Variants in ITPK1 observed in about 807,000 individuals in gnomAD.
The protein encoded by ITPK1 is inositol-tetrakisphosphate 1-kinase.
A neutral mutation model predicts 45.3 loss-of-function variants in ITPK1; 21 were observed. The observed-to-expected ratio is 0.46, with a 90% CI of 0.33 to 0.67. ITPK1 has a LOEUF of 0.67. Ranked by LOEUF, ITPK1 falls within the 30% of genes least tolerant of loss-of-function variation. ITPK1 has a pLI of 0.02. For missense variants in ITPK1, 474 were observed against 573.5 expected, an observed-to-expected ratio of 0.83 and a Z score of 1.77; for synonymous variants, 258 against 253.6, an observed-to-expected ratio of 1.02 and a Z score of -0.16.
intron 5 of ITPK1, among the ~76,000 whole-genome samples, chr14:92,983,921 G>A (rs1231859948): frequency 6.6e-5 from 10 of 152,128 alleles, no homozygotes; most frequent in African/African-American, 1.9e-4. Flanking sequence ...CCAGCAAAAG[G>A]GGCAGACCTG....
At chr14:92,951,066 G>T (rs1323303351) in intron 9 of ITPK1, among the ~76,000 whole-genome samples, 1 of 152,244 alleles carries the variant, frequency 6.6e-6, no homozygotes, top group East Asian at 1.9e-4. Flanking sequence ...CTGGAGTGGA[G>T]GCTGGTTCGT....
intron 4 of ITPK1, among the ~76,000 whole-genome samples, chr14:93,010,161 G>A (rs7141085): frequency 0.21 from 31,343 of 152,072 alleles, 3,939 homozygotes; most frequent in East Asian, 0.31. Context: ...GACCCCACTG[G>A]TCAGCAGGCA....
At chr14:93,080,791 C>T (rs1891405089) in intron 2 of ITPK1, among the ~76,000 whole-genome samples, 1 of 151,874 alleles carries the variant, frequency 6.6e-6, no homozygotes, top group Admixed American at 6.6e-5. Flanking sequence ...GGCTGGAGTA[C>T]AGTGGCATGA....
At chr14:92,999,387 A>T (rs1425954136) in intron 4 of ITPK1, among the ~76,000 whole-genome samples, 1 of 152,228 alleles carries the variant, frequency 6.6e-6, no homozygotes, top group African/African-American at 2.4e-5. Context: ...CCGTCCTAAC[A>T]GCTTGCTCCT....
At chr14:93,043,718 T>C (rs1243176649) in intron 3 of ITPK1, among the ~76,000 whole-genome samples, 1 of 152,158 alleles carries the variant, frequency 6.6e-6, no homozygotes, top group Non-Finnish European at 1.5e-5. Flanking sequence ...GGGGGTGGTG[T>C]CACCAGGAAT....
intron 2 of ITPK1, among the ~76,000 whole-genome samples, chr14:93,084,788 T>A (rs938937535): frequency 1.3e-5 from 2 of 152,180 alleles, no homozygotes; most frequent in African/African-American, 4.8e-5. Context: ...ATGCCAAGGC[T>A]TGACCTAAGT....
In ITPK1 at chr14:92,947,423, C is replaced by T. The variant is rs1005375350; in HGVS notation, c.739-930G>A. 6.6e-5 allele frequency among the ~76,000 whole-genome samples: 10 copies of T among 152,334 alleles called. No homozygotes were observed. The East Asian group carries it at 1.4e-3, about 21-fold the overall frequency. Reference sequence around the variant, plus strand: ...CACACACTGTCATGGGCTCAGCCTGCCCCCAGCCAAGGCCTCCAAGGAAGT... The same window carrying T: ...CACACACTGTCATGGGCTCAGCCTGTCCCCAGCCAAGGCCTCCAAGGAAGT... On this transcript the variant is annotated intron_variant, in intron 9 of 10. Transcript: ENST00000267615.
intron 3 of ITPK1, among the ~76,000 whole-genome samples, chr14:93,061,580 C>T (rs1295310137): frequency 1.3e-5 from 2 of 152,194 alleles, no homozygotes; most frequent in African/African-American, 4.8e-5. Context: ...GGTGATAACA[C>T]AGCATTCAAA....
intron 2 of ITPK1, among the ~76,000 whole-genome samples, chr14:93,114,304 A>G (rs1042125391): frequency 1.3e-5 from 2 of 152,256 alleles, no homozygotes; most frequent in African/African-American, 4.8e-5. Flanking sequence ...GACTCCGCCA[A>G]GGAGCACCAG....
At chr14:93,077,833 C>G (rs1180477640) in intron 2 of ITPK1, among the ~76,000 whole-genome samples, 1 of 152,146 alleles carries the variant, frequency 6.6e-6, no homozygotes, top group Non-Finnish European at 1.5e-5. Flanking sequence ...TTGCTACGAG[C>G]CAGGGACAAG....
At chr14:92,994,336 G>T (rs1019091062) in intron 4 of ITPK1, among the ~76,000 whole-genome samples, 2 of 152,156 alleles carry the variant, frequency 1.3e-5, no homozygotes, top group South Asian at 2.1e-4. Context: ...CCCATGCCCC[G>T]CACTGATAAG....
intron 2 of ITPK1, among the ~76,000 whole-genome samples, chr14:93,113,509 C>G (rs768188551): frequency 6.6e-6 from 1 of 152,234 alleles, no homozygotes; most frequent in Non-Finnish European, 1.5e-5. Context: ...TACATGACTG[C>G]AGGGGGAGCT....
intron 4 of ITPK1, among the ~76,000 whole-genome samples, chr14:92,995,274 C>T (rs1886994233): frequency 6.6e-6 from 1 of 152,226 alleles, no homozygotes; most frequent in Admixed American, 6.5e-5. Context: ...GCCCCCCTGC[C>T]CTCTGCTCAC....
chr14:93,057,162 C>T (rs972198282), intron 3 of ITPK1, among the ~76,000 whole-genome samples: 3 of 151,886 alleles, frequency 2.0e-5, no homozygotes, highest in African/African-American at 7.3e-5. Context: ...ACAGTGACTC[C>T]CCAGGGTCAC....
intron 5 of ITPK1, among the ~76,000 whole-genome samples, chr14:92,975,715 C>T (rs55720398): frequency 1.7e-3 from 256 of 152,324 alleles, no homozygotes; most frequent in Non-Finnish European, 2.7e-3. Context: ...CACTTGGCCT[C>T]CCTGTTCAAG....
chr14:92,943,848 C>A (rs941795994), intron 10 of ITPK1, among the ~76,000 whole-genome samples: 2 of 152,216 alleles, frequency 1.3e-5, no homozygotes, highest in African/African-American at 2.4e-5. Flanking sequence ...GAGACTTAAA[C>A]GTTAGGTGGC....
chr14:93,068,552 G>A (rs1365367200), intron 3 of ITPK1: 8 of 152,332 alleles, frequency 5.3e-5, no homozygotes, highest in East Asian at 3.9e-4. Context: ...CACAGCACAC[G>A]GCAGAGAAAA....
intron 3 of ITPK1, among the ~76,000 whole-genome samples, chr14:93,017,459 G>T (rs750164168): frequency 6.6e-6 from 1 of 152,208 alleles, no homozygotes. Flanking sequence ...GTTTATTTTT[G>T]CAAGTGCCTG....
In ITPK1 at chr14:92,999,942, A is replaced by G. The variant is rs552216979; in HGVS notation, c.247-5945T>C. Among the ~76,000 whole-genome samples the G allele has an allele frequency of 2.6e-5, 4 of 152,154 alleles. No homozygotes were observed. In the East Asian group the frequency reaches 5.8e-4, roughly 22 times the overall value. ...CCCAGCCTCTGGCAACCACACATCTACTTTCTGTCTGGGTAGATCTGCCTA... is the reference window on the plus strand; with the variant it reads ...CCCAGCCTCTGGCAACCACACATCTGCTTTCTGTCTGGGTAGATCTGCCTA... On this transcript the variant is annotated intron_variant, in intron 4 of 10. Transcript: ENST00000267615.
Sources: gnomAD v4.1 joint callset for allele counts (sites outside exome capture counted in the v4.1 genomes callset) on GRCh38, gnomAD v4.1.1 for gene constraint, MANE v1.5 for transcripts, NCBI Gene and HGNC (gene_info 2026-07-23, HGNC 2026-07-21) for gene names.